KCNQ1: variants seen among roughly 807,000 people sequenced by gnomAD.
The protein encoded by KCNQ1 is potassium voltage-gated channel subfamily Q member 1, also known as potassium voltage-gated channel subfamily KQT member 1.
Under a neutral mutation model 72.4 loss-of-function variants are expected in KCNQ1, and 49 were observed. That is an observed-to-expected ratio of 0.68 (90% CI 0.54 to 0.86). The LOEUF (loss-of-function observed/expected upper bound fraction) is 0.86. Ranked by LOEUF, KCNQ1 falls within the 40% of genes least tolerant of loss-of-function variation. KCNQ1 has a pLI of 0.00. For synonymous variants in KCNQ1, 450 were observed against 412.6 expected (o/e 1.09, Z -1.10); for missense variants, 790 against 945.1 (o/e 0.84, Z 2.15).
Position 2,698,895 on chromosome 11 carries a change from A to G in KCNQ1, c.1514+36814A>G. ...ACCCCAACTACTCAGATCCCAACTC[A>G]GGCAAACTCCCAGCCAGGATGTGGA... On this transcript the variant is annotated intron_variant, in intron 11 of 15. Transcript: ENST00000155840. This position sits in a 1 kb window ranked among gnomAD's most constrained non-coding sequence, Gnocchi z 5.1. 5 of 398,770 alleles carry G rather than the reference A, an allele frequency of 1.3e-5. No homozygotes were observed. Among genetic ancestry groups the G allele is most frequent in the African/African-American group, 4.1e-5 (2 of 48,756 alleles). 24.7% of individuals were successfully genotyped at this position (398,770 alleles called of 1,614,324 possible).
intron 11 of KCNQ1, among the ~76,000 whole-genome samples, chr11:2,700,934 A>G (rs1226081827): frequency 6.6e-6 from 1 of 152,216 alleles, no homozygotes; most frequent in Admixed American, 6.5e-5. Flanking sequence ...AGAAGTTCAC[A>G]CCCTGAGGCT....
In KCNQ1 at chr11:2,664,483, G is replaced by A. The variant is rs1850027072; in HGVS notation, c.1514+2402G>A. 1 of 398,638 alleles carries A rather than the reference G, an allele frequency of 2.5e-6. No individual in the cohort carries two copies. The highest frequency in any genetic ancestry group is 1.3e-4 in the South Asian group (1 of 7,866). The allele number at this position is 398,638 out of a possible 1,614,324, so 24.7% of individuals were successfully genotyped here. A position where few individuals can be genotyped will look rare whatever the true frequency, so the allele number is the denominator to read the frequency against. ...TGGGTAGAGGCCCCACTCCATCTGG[G>A]GGAGAAGGCTGGCAGCAGTGGGCAC... On this transcript the variant is annotated intron_variant, in intron 11 of 15. Transcript: ENST00000155840. This position sits in a 1 kb window ranked among gnomAD's most constrained non-coding sequence, Gnocchi z 5.1.
At chr11:2,814,304 T>TGG (rs1477635540) in intron 15 of KCNQ1, among the ~76,000 whole-genome samples, 1 of 142,830 alleles carries the variant, frequency 7.0e-6, no homozygotes, top group East Asian at 2.1e-4. Flanking sequence ...GATGGATGGA[T>TGG]AGATGGATGG....
Position 2,458,627 on chromosome 11 carries a change from C to T in KCNQ1, c.386+13143C>T, listed in dbSNP as rs1321659309. Among the ~76,000 whole-genome samples, 1 of 142,600 alleles carries T rather than the reference C, an allele frequency of 7.0e-6. No individual in the cohort carries two copies. Among genetic ancestry groups the T allele is most frequent in the Admixed American group, 7.1e-5 (1 of 14,152 alleles). 93.6% of individuals were successfully genotyped at this position (142,600 alleles called of 152,430 possible). On this transcript the variant is annotated intron_variant, in intron 1 of 15. Coordinates refer to ENST00000155840, the MANE Select transcript of KCNQ1 (RefSeq NM_000218.3). The surrounding 1 kb of genome is among the most constrained non-coding windows in gnomAD (Gnocchi z 4.6). ...GAAAGTGCTCCCATCCACAATGCTT[C>T]CTTGCCTGGATGGATGGATGGATGG...
At position 2,544,134 on chromosome 11, in the gene KCNQ1, G is replaced by A. The variant is rs563700403; in HGVS notation, c.477+16116G>A. Among the ~76,000 whole-genome samples the A allele has an allele frequency of 1.3e-5, 2 of 152,030 alleles. No individual in the cohort carries two copies. The highest frequency in any genetic ancestry group is 1.3e-4 in the Admixed American group (2 of 15,282). ...TTTTTGCAAAGCCTGGTAGAATTTT[G>A]TTTGGGATTGCATTCAACCTAAAGA... On this transcript the variant is annotated intron_variant, in intron 2 of 15. Coordinates refer to ENST00000155840, the MANE Select transcript of KCNQ1 (RefSeq NM_000218.3). This position sits in a 1 kb window ranked among gnomAD's most constrained non-coding sequence, Gnocchi z 4.4.
intron 11 of KCNQ1, chr11:2,694,663 C>A: frequency 2.5e-6 from 1 of 398,562 alleles, no homozygotes; most frequent in Admixed American, 4.4e-5. Flanking sequence ...CCACCATGTG[C>A]GGACCCTATA....
rs1175579085 is a variant in KCNQ1 at position 2,447,664 on chromosome 11, G to T, written c.386+2180G>T. On this transcript the variant is annotated intron_variant, in intron 1 of 15. Coordinates refer to ENST00000155840, the MANE Select transcript of KCNQ1 (RefSeq NM_000218.3). The surrounding 1 kb of genome is among the most constrained non-coding windows in gnomAD (Gnocchi z 7.6). ...TCCAGCCTTGCGCCAGTCCAGCCTT[G>T]TGTTGCTGTAAGAAGTCTTGGCAAT... 1.3e-5 allele frequency among the ~76,000 whole-genome samples: 2 copies of T among 152,202 alleles called. No individual in the cohort carries two copies. Among genetic ancestry groups the T allele is most frequent in the African/African-American group, 4.8e-5 (2 of 41,444 alleles).
rs1310921217 is a variant in KCNQ1 at position 2,724,170 on chromosome 11, G to C, written c.1515-44674G>C. Among the ~76,000 whole-genome samples, 1 of 152,184 alleles carries C rather than the reference G, an allele frequency of 6.6e-6. No homozygotes were observed. The highest frequency in any genetic ancestry group is 1.5e-5 in the Non-Finnish European group (1 of 68,030). The stretch of plus-strand genomic sequence containing the variant: ...GGGCCGCGACAAGGAGACCAGGAAG[G>C]AAAGACAGAAAGAAAAACACGCACA... On this transcript the variant is annotated intron_variant, in intron 11 of 15. Transcript: ENST00000155840. The surrounding 1 kb of genome is among the most constrained non-coding windows in gnomAD (Gnocchi z 6.8).
chr11:2,476,438 G>T lies in KCNQ1; in HGVS notation c.386+30954G>T, dbSNP rs566383069. On this transcript the variant is annotated intron_variant, in intron 1 of 15. Coordinates refer to ENST00000155840, the MANE Select transcript of KCNQ1 (RefSeq NM_000218.3). ...CACCGAGGCAAATTTATAGCTACAG[G>T]CATTTTCCTTTTTTGAAAAAAGTAA... Among the ~76,000 whole-genome samples the T allele has an allele frequency of 2.2e-4, 34 of 152,266 alleles. No homozygotes were observed. In the East Asian group the frequency reaches 6.4e-3, roughly 28 times the overall value.
chr11:2,751,115 G>A (rs935262578), intron 11 of KCNQ1, among the ~76,000 whole-genome samples: 7 of 152,170 alleles, frequency 4.6e-5, no homozygotes, highest in African/African-American at 1.7e-4. Flanking sequence ...GCAATTTCTT[G>A]GGAGCTGATC....
At chr11:2,525,452 G>A (rs1422547832) in intron 1 of KCNQ1, among the ~76,000 whole-genome samples, 1 of 152,262 alleles carries the variant, frequency 6.6e-6, no homozygotes, top group Non-Finnish European at 1.5e-5. Flanking sequence ...GAGAGCAGGG[G>A]TGGTCAGTGT....
In KCNQ1 at chr11:2,652,780, C is replaced by T. The variant is rs145116772; in HGVS notation, c.1394-9181C>T. 2.4e-3 allele frequency: 960 copies of T among 399,172 alleles called. 4 individuals are homozygous for T. The highest frequency in any genetic ancestry group is 0.017 in the African/African-American group (842 of 48,748). The allele number at this position is 399,172 out of a possible 1,614,324, so 24.7% of individuals were successfully genotyped here. A position where few individuals can be genotyped will look rare whatever the true frequency, so the allele number is the denominator to read the frequency against. ...CACTGCCTGTCTTCCTCAGCGCCCC[C>T]GCTACTCAGACCCCACCCTTGGGCC... On this transcript the variant is annotated intron_variant, in intron 10 of 15. Transcript: ENST00000155840. The surrounding 1 kb of genome is among the most constrained non-coding windows in gnomAD (Gnocchi z 5.9).
Position 2,671,068 on chromosome 11 carries a change from T to C in KCNQ1, c.1514+8987T>C. On this transcript the variant is annotated intron_variant, in intron 11 of 15. Transcript: ENST00000155840. This position sits in a 1 kb window ranked among gnomAD's most constrained non-coding sequence, Gnocchi z 4.7. ...TATCTGAGGCACACATCCTTGGTAG[T>C]GACTGGCTAGCAGGAGGAAGTCTGG... 1 of 398,614 alleles carries C rather than the reference T, an allele frequency of 2.5e-6. No homozygotes were observed. Among genetic ancestry groups the C allele is most frequent in the Non-Finnish European group, 4.4e-6 (1 of 226,096 alleles). The allele number at this position is 398,614 out of a possible 1,614,324, so 24.7% of individuals were successfully genotyped here.
chr11:2,533,990 C>G (rs753347719), intron 2 of KCNQ1, among the ~76,000 whole-genome samples: 1 of 152,200 alleles, frequency 6.6e-6, no homozygotes, highest in Non-Finnish European at 1.5e-5. Flanking sequence ...GCTTCCTCCC[C>G]TCTGCTGAGG....
chr11:2,768,677 G>A lies in KCNQ1; in HGVS notation c.1515-167G>A, dbSNP rs931575900. 8.6e-5 allele frequency among the ~76,000 whole-genome samples: 13 copies of A among 151,832 alleles called. No individual in the cohort carries two copies. Among genetic ancestry groups the A allele is most frequent in the African/African-American group, 3.1e-4 (13 of 41,310 alleles). Reference sequence around the variant, plus strand: ...AGCCTCTTGCCCCCAGCCTCCCCTCGAGCCCACACTGGGACATGGCCTAAG... The same window carrying A: ...AGCCTCTTGCCCCCAGCCTCCCCTCAAGCCCACACTGGGACATGGCCTAAG... On this transcript the variant is annotated intron_variant, in intron 11 of 15. Coordinates refer to ENST00000155840, the MANE Select transcript of KCNQ1 (RefSeq NM_000218.3). This position sits in a 1 kb window ranked among gnomAD's most constrained non-coding sequence, Gnocchi z 6.7.
At chr11:2,776,928 G>A in intron 13 of KCNQ1, 58 bp from the exon 14 acceptor site, 3 of 1,521,382 alleles carry the variant, frequency 2.0e-6, no homozygotes, top group Non-Finnish European at 2.7e-6. Flanking sequence ...ACAGACGACA[G>A]TGCATCTGCG....
At position 2,549,597 on chromosome 11, in the gene KCNQ1, A is replaced by G. The variant is rs1257610868; in HGVS notation, c.478-21031A>G. 6.9e-6 allele frequency among the ~76,000 whole-genome samples: 1 copy of G among 143,962 alleles called. No individual in the cohort carries two copies. The highest frequency in any genetic ancestry group is 1.5e-5 in the Non-Finnish European group (1 of 67,148). 94.4% of individuals were successfully genotyped at this position (143,962 alleles called of 152,430 possible). On this transcript the variant is annotated intron_variant, in intron 2 of 15. Coordinates refer to ENST00000155840, the MANE Select transcript of KCNQ1 (RefSeq NM_000218.3). The surrounding 1 kb of genome is among the most constrained non-coding windows in gnomAD (Gnocchi z 6.2). ...GACCTGCTCATAGCACAGCTGGGAC[A>G]CTTCCAGTGACTGCTCTGCGAGGCC...
At chr11:2,722,878 G>A (rs1369103987) in intron 11 of KCNQ1, among the ~76,000 whole-genome samples, 1 of 152,188 alleles carries the variant, frequency 6.6e-6, no homozygotes, top group African/African-American at 2.4e-5. Flanking sequence ...CTGAGTGGGA[G>A]CTATGGCAAG....
At chr11:2,776,198 C>T in intron 13 of KCNQ1, 144 bp downstream of exon 13, 4 of 721,554 alleles carry the variant, frequency 5.5e-6, no homozygotes, top group Non-Finnish European at 6.9e-6. Context: ...TCACCACCCC[C>T]AGCCCTGCAG....
Sources: gnomAD v4.1 joint callset for allele counts (sites outside exome capture counted in the v4.1 genomes callset) on GRCh38, gnomAD v4.1.1 for gene constraint, Gnocchi (gnomAD v3.1) non-coding constraint, MANE v1.5 for transcripts, NCBI Gene and HGNC (gene_info 2026-07-23, HGNC 2026-07-21) for gene names.